GAST: variants seen among roughly 807,000 people sequenced by gnomAD.
The protein encoded by GAST is preprogastrin.
Under a neutral mutation model 12.5 loss-of-function variants are expected in GAST, and 9 were observed. That is an observed-to-expected ratio of 0.72 (90% CI 0.43 to 1.25). GAST has a LOEUF of 1.25. Among genes scored for constraint, GAST ranks in the 50% most tolerant of loss-of-function variants. The pLI is 0.00. For missense variants in GAST, 121 were observed against 127.7 expected (o/e 0.95, Z 0.25); for synonymous variants, 52 against 51.1 (o/e 1.02, Z -0.08).
chr17:41,713,350 G>A (rs1910899063), intron 1 of GAST, among the ~76,000 whole-genome samples: 2 of 152,168 alleles, frequency 1.3e-5, no homozygotes, highest in South Asian at 4.1e-4. Flanking sequence ...TTCTTCAGCA[G>A]CAGAATTCTT....
At chr17:41,712,937 G>A (rs533986934) in intron 1 of GAST, among the ~76,000 whole-genome samples, 1 of 151,352 alleles carries the variant, frequency 6.6e-6, no homozygotes, top group East Asian at 1.9e-4. Context: ...TGTTGTTGTT[G>A]TTTGTTTTTT....
chr17:41,714,099 A>C (rs1555585523), intron 1 of GAST, among the ~76,000 whole-genome samples: 1 of 152,232 alleles, frequency 6.6e-6, no homozygotes, highest in Non-Finnish European at 1.5e-5. Context: ...TGCAGTCTCC[A>C]AAGTGATAAC....
At position 41,715,553 on chromosome 17, in the gene GAST, C is replaced by G; in HGVS notation, c.117C>G (p.Asn39Lys). The G allele has an allele frequency of 6.2e-7, 1 of 1,613,556 alleles. No homozygotes were observed. Among genetic ancestry groups the G allele is most frequent in the Non-Finnish European group, 8.5e-7 (1 of 1,180,038 alleles). Residue 39 changes from asparagine to lysine, a missense_variant, in exon 2 of 3, where the codon AAC (asparagine) becomes AAG (lysine). Coordinates refer to ENST00000329402, the MANE Select transcript of GAST (RefSeq NM_000805.5). ...ATGCACCCTTAGGTACAGGGGCCAA[C>G]AGGGACCTGGAGCTACCCTGGCTGG... ...QPDAPLGTGA[N>K]RDLELPWLEQ...
chr17:41,713,087 TC>T (rs1475668731), intron 1 of GAST, among the ~76,000 whole-genome samples: 2 of 152,096 alleles, frequency 1.3e-5, no homozygotes, highest in African/African-American at 4.8e-5. Context: ...AGCTAATTTT[TC>T]ATATTTTTGG....
intron 1 of GAST, among the ~76,000 whole-genome samples, chr17:41,714,491 G>GCTGA (rs1310583750): frequency 6.6e-6 from 1 of 152,100 alleles, no homozygotes; most frequent in Non-Finnish European, 1.5e-5. Flanking sequence ...CAAGTCTTGG[G>GCTGA]CTGAGCACAG....
Position 41,713,998 on chromosome 17 carries a change from G to A in GAST, c.-5-1434G>A, listed in dbSNP as rs1435212688. Among the ~76,000 whole-genome samples the A allele has an allele frequency of 2.0e-5, 3 of 152,072 alleles. No homozygotes were observed. In the East Asian group the frequency reaches 5.8e-4, roughly 29 times the overall value. ...CTTAACTGCTTCATTATAATCACAG[G>A]ATATTCCTCAGTTAAGCAAAAATGA... On this transcript the variant is annotated intron_variant, in intron 1 of 2. Coordinates refer to ENST00000329402, the MANE Select transcript of GAST (RefSeq NM_000805.5).
chr17:41,714,316 G>GAC (rs1910920137), intron 1 of GAST, among the ~76,000 whole-genome samples: 3 of 152,046 alleles, frequency 2.0e-5, no homozygotes, highest in African/African-American at 7.2e-5. Flanking sequence ...GGGAATACAG[G>GAC]TGCATGCCAC....
At chr17:41,714,511 T>A (rs1159117341) in intron 1 of GAST, among the ~76,000 whole-genome samples, 1 of 152,028 alleles carries the variant, frequency 6.6e-6, no homozygotes, top group East Asian at 1.9e-4. Flanking sequence ...GTGGCTCACA[T>A]CTGTAATCGC....
At chr17:41,714,724 G>C (rs1169575686) in intron 1 of GAST, among the ~76,000 whole-genome samples, 3 of 152,230 alleles carry the variant, frequency 2.0e-5, no homozygotes, top group Non-Finnish European at 2.9e-5. Flanking sequence ...GCAGTGAGCA[G>C]TGATTGCACT....
In GAST at chr17:41,715,645, C is replaced by G; in HGVS notation, c.209C>G (p.Ala70Gly). ...LGPQGPPHLV[A>G]DPSKKQGPWL... is the part of the protein sequence containing the mutation. ...CCCCAGGGTCCCCCACACCTCGTGG[C>G]AGGTAGGAGCTGCTGACTGCCCTGC... is the stretch of plus-strand genomic sequence containing the variant. The change falls in exon 2 of 3, where the codon GCA (alanine) becomes GGA (glycine). Residue 70 changes from alanine to glycine, a missense_variant and splice_region_variant. Physicochemically the swap from Ala to Gly is moderately conservative, Grantham distance 60. Transcript: ENST00000329402. The G allele has an allele frequency of 6.2e-7, 1 of 1,613,188 alleles. No individual in the cohort carries two copies. Among genetic ancestry groups the G allele is most frequent in the Non-Finnish European group, 8.5e-7 (1 of 1,179,554 alleles).
rs139785775 is a variant in GAST at position 41,715,180 on chromosome 17, G to T, written c.-5-252G>T. ...CCAGGCATGGTGGCACGTGCCTATA[G>T]TCACAGATATTCTGGAGGCTGAGGC... On this transcript the variant is annotated intron_variant, in intron 1 of 2. Coordinates refer to ENST00000329402, the MANE Select transcript of GAST (RefSeq NM_000805.5). Among the ~76,000 whole-genome samples, 733 of 152,066 alleles carry T rather than the reference G, an allele frequency of 4.8e-3. 7 individuals carry two copies. The highest frequency in any genetic ancestry group is 0.017 in the African/African-American group (699 of 41,496).
intron 1 of GAST, among the ~76,000 whole-genome samples, chr17:41,714,945 G>A (rs149262622): frequency 6.6e-6 from 1 of 152,274 alleles, no homozygotes; most frequent in African/African-American, 2.4e-5. Flanking sequence ...CTTCGGGGCT[G>A]GTGTGGAACT....
At chr17:41,713,856 T>A (rs1910912393) in intron 1 of GAST, among the ~76,000 whole-genome samples, 1 of 152,234 alleles carries the variant, frequency 6.6e-6, no homozygotes, top group South Asian at 2.1e-4. Context: ...GTCCAGGGAA[T>A]AGATGAGCAT....
In GAST at chr17:41,715,513, G is replaced by T. The variant is rs371054978; in HGVS notation, c.77G>T (p.Arg26Leu). 1.2e-6 allele frequency: 2 copies of T among 1,613,580 alleles called. No individual in the cohort carries two copies. Among genetic ancestry groups the T allele is most frequent in the Non-Finnish European group, 1.7e-6 (2 of 1,180,010 alleles). ...TTCTCTGAAGCTTCTTGGAAGCCCC[G>T]CTCCCAGCAGCCAGATGCACCCTTA... is the stretch of plus-strand genomic sequence containing the variant. ...AAFSEASWKPRSQQPDAPLGT... is the reference protein window; with the variant it reads ...AAFSEASWKPLSQQPDAPLGT... Residue 26 changes from arginine to leucine, a missense_variant, in exon 2 of 3, where the codon CGC (arginine) becomes CTC (leucine). Physicochemically the swap from Arg to Leu is moderately radical, Grantham distance 102. Coordinates refer to ENST00000329402, the MANE Select transcript of GAST (RefSeq NM_000805.5).
chr17:41,715,067 G>A (rs1043875762), intron 1 of GAST, among the ~76,000 whole-genome samples: 1 of 152,154 alleles, frequency 6.6e-6, no homozygotes, highest in Non-Finnish European at 1.5e-5. Flanking sequence ...GGGAGGCCGA[G>A]GCGGGTGGAT....
intron 1 of GAST, among the ~76,000 whole-genome samples, chr17:41,713,540 C>A (rs1020052762): frequency 2.3e-4 from 35 of 151,746 alleles, no homozygotes; most frequent in Admixed American, 1.3e-3. Context: ...AAAATAAAAA[C>A]AAAAAAATTA....
chr17:41,715,422 C>T lies in GAST; in HGVS notation c.-5-10C>T, dbSNP rs1910948651. On this transcript the variant is annotated splice_polypyrimidine_tract_variant and intron_variant, in intron 1 of 2. Transcript: ENST00000329402. Reference sequence around the variant, plus strand: ...CTCACCCTTAAGCTAGTCCCTTCTCCCCTTTGCAGACGAGATGCAGCGACT... The same window carrying T: ...CTCACCCTTAAGCTAGTCCCTTCTCTCCTTTGCAGACGAGATGCAGCGACT... 6.2e-7 allele frequency: 1 copy of T among 1,603,774 alleles called. No homozygotes were observed. Among genetic ancestry groups the T allele is most frequent in the Non-Finnish European group, 8.5e-7 (1 of 1,172,186 alleles).
At chr17:41,713,272 A>G (rs551180334) in intron 1 of GAST, among the ~76,000 whole-genome samples, 3 of 152,216 alleles carry the variant, frequency 2.0e-5, no homozygotes, top group Non-Finnish European at 4.4e-5. Context: ...GCTGGTGGCT[A>G]TAGCACTGAA....
chr17:41,713,808 A>G (rs1444216739), intron 1 of GAST, among the ~76,000 whole-genome samples: 1 of 152,224 alleles, frequency 6.6e-6, no homozygotes, highest in Admixed American at 6.6e-5. Context: ...GATAAAGCCA[A>G]TCAGAATAGT....
Sources: allele counts gnomAD v4.1 joint callset (sites outside exome capture counted in the v4.1 genomes callset), GRCh38; gene constraint gnomAD v4.1.1; transcripts MANE v1.5; gene names NCBI Gene and HGNC (gene_info 2026-07-23, HGNC 2026-07-21).